Variants in ZBTB40 observed in about 807,000 individuals in gnomAD.
ZBTB40 encodes the protein zinc finger and BTB domain containing 40, also known as zinc finger and BTB domain-containing protein 40.
Under a neutral mutation model 117.5 loss-of-function variants are expected in ZBTB40, and 60 were observed. The ratio of observed to expected loss-of-function variants is 0.51; its 90% CI spans 0.41 to 0.63. The LOEUF (loss-of-function observed/expected upper bound fraction) is 0.63. ZBTB40 is among the 30% of genes least tolerant of loss of function. The pLI, the probability that ZBTB40 is intolerant of heterozygous loss-of-function variation, is 0.00. For missense variants in ZBTB40, 1,287 were observed against 1,498.5 expected, an observed-to-expected ratio of 0.86 and a Z score of 2.33; for synonymous variants, 525 against 577.1, an observed-to-expected ratio of 0.91 and a Z score of 1.29.
At chr1:22,521,872 G>C (rs1639537651) in intron 15 of ZBTB40, among the ~76,000 whole-genome samples, 2 of 152,196 alleles carry the variant, frequency 1.3e-5, no homozygotes, top group African/African-American at 2.4e-5. Flanking sequence ...CGCAGTGTAA[G>C]CTCCCACCAG....
At chr1:22,489,812 C>T (rs1160377484) in intron 1 of ZBTB40, 68 bp from the exon 2 acceptor site, 15 of 788,440 alleles carry the variant, frequency 1.9e-5, no homozygotes, top group Admixed American at 1.8e-4. Context: ...GTTCATTTAG[C>T]GTTTCATTCA....
chr1:22,445,165 C>T (rs903138160), intron 1 of ZBTB40, among the ~76,000 whole-genome samples: 4 of 152,198 alleles, frequency 2.6e-5, no homozygotes, highest in African/African-American at 9.6e-5. Context: ...TCATGTCTGA[C>T]AAACTACCTA....
chr1:22,466,531 A>G (rs943678983), intron 1 of ZBTB40, among the ~76,000 whole-genome samples: 1 of 152,100 alleles, frequency 6.6e-6, no homozygotes, highest in Non-Finnish European at 1.5e-5. Flanking sequence ...GTTTCTCCAT[A>G]TTCTCAGCAA....
At chr1:22,462,240 A>C (rs551038463) in intron 1 of ZBTB40, among the ~76,000 whole-genome samples, 1 of 152,218 alleles carries the variant, frequency 6.6e-6, no homozygotes, top group Non-Finnish European at 1.5e-5. Flanking sequence ...TCAGTGGTCA[A>C]AGTTTCGGCT....
intron 1 of ZBTB40, among the ~76,000 whole-genome samples, chr1:22,485,737 TTTC>T (rs763424906): frequency 2.0e-5 from 3 of 152,162 alleles, no homozygotes; most frequent in African/African-American, 7.2e-5. Flanking sequence ...TCTGTTCTGT[TTTC>T]TTCTTCTTTT....
chr1:22,434,592 T>C (rs1235253790), intron 1 of ZBTB40, among the ~76,000 whole-genome samples: 1 of 152,240 alleles, frequency 6.6e-6, no homozygotes, highest in Admixed American at 6.5e-5. Context: ...TTTTATGGTT[T>C]ATCCTAGCAT....
rs1385545437 is a variant in ZBTB40, at chr1:22,509,165, A to C, written c.1765A>C (p.Ile589Leu). 3.7e-6 allele frequency: 6 copies of C among 1,614,122 alleles called. No individual in the cohort carries two copies. Among genetic ancestry groups the C allele is most frequent in the Non-Finnish European group, 4.2e-6 (5 of 1,180,008 alleles). ...LRHNQLILEA[I>L]QQKIEYKLFT... ...GCATAACCAGTTGATCTTGGAGGCC[A>C]TCCAACAGAAGATTGAGTACAAGCT... The change falls in exon 9 of 18, where the codon ATC (isoleucine) becomes CTC (leucine). Residue 589 changes from isoleucine (I) to leucine (L), a missense_variant. Transcript: ENST00000375647.
Position 22,500,856 on chromosome 1 carries a change from G to T in ZBTB40, c.832-636G>T, listed in dbSNP as rs541349532. On this transcript the variant is annotated intron_variant, in intron 3 of 17. Transcript: ENST00000375647. ...ACTATATCTAAAATTAATAAGGCCC[G>T]TGTCTTTTTAAGTAGTCTGTCATTT... Among the ~76,000 whole-genome samples the T allele has an allele frequency of 1.6e-3, 239 of 152,266 alleles. 1 individual carries two copies. The highest frequency in any genetic ancestry group is 5.6e-3 in the African/African-American group (232 of 41,552).
rs150431065 is a variant in ZBTB40, at chr1:22,476,512, G to A, written c.-69-13368G>A. On this transcript the variant is annotated intron_variant, in intron 1 of 17. Transcript: ENST00000375647. ...TGGGATTACAGGCGTGAGCCACCAC[G>A]CCCAGCCCTCAAACTTTCAAATCCT... Among the ~76,000 whole-genome samples the A allele has an allele frequency of 5.1e-4, 77 of 152,268 alleles. 2 individuals carry two copies. In the East Asian group the frequency reaches 5.2e-3, roughly 10 times the overall value.
chr1:22,522,945 C>CTTTTTTTTTTTTTTTTTTTTTTTTTT (rs34232963), intron 16 of ZBTB40, among the ~76,000 whole-genome samples: 1 of 93,910 alleles, frequency 1.1e-5, no homozygotes, highest in African/African-American at 3.9e-5. Flanking sequence ...TAAGATGTAC[C>CTTTTTTTTTTTTTTTTTTTTTTTTTT]TTTTTTTTTT....
chr1:22,484,485 A>G (rs1354428359), intron 1 of ZBTB40, among the ~76,000 whole-genome samples: 1 of 152,214 alleles, frequency 6.6e-6, no homozygotes, highest in Non-Finnish European at 1.5e-5. Flanking sequence ...GCTTTTGTAT[A>G]TTAACCTTAT....
intron 17 of ZBTB40, 46 bp from the exon 18 acceptor site, chr1:22,526,156 A>C: frequency 6.2e-7 from 1 of 1,605,050 alleles, no homozygotes; most frequent in Non-Finnish European, 8.5e-7. Context: ...TCAGGGAGCC[A>C]ACTGTGAACA....
chr1:22,479,927 G>A (rs1557495463), intron 1 of ZBTB40, among the ~76,000 whole-genome samples: 1 of 151,770 alleles, frequency 6.6e-6, no homozygotes, highest in African/African-American at 2.4e-5. Context: ...TTTTGGGGGG[G>A]ACAGAGTCTC....
At chr1:22,507,885 A>AG (rs1464766192) in intron 6 of ZBTB40, 116 bp from the exon 7 acceptor site, 24 of 1,466,400 alleles carry the variant, frequency 1.6e-5, no homozygotes, top group African/African-American at 2.8e-5. Context: ...GGCTCTGCAG[A>AG]GGACACTGAG....
chr1:22,521,449 G>A (rs764335050), intron 14 of ZBTB40, 47 bp from the exon 15 acceptor site: 1 of 1,613,760 alleles, frequency 6.2e-7, no homozygotes, highest in African/African-American at 1.3e-5. Context: ...GAGCTCTCCA[G>A]CTTGCTGGAA....
rs904259502 is a variant in ZBTB40, at chr1:22,526,112, T to C, written c.3526-90T>C. The C allele has an allele frequency of 2.2e-5, 33 of 1,475,596 alleles. No homozygotes were observed. The Admixed American group carries it at 2.9e-4, about 13-fold the overall frequency. The allele number at this position is 1,475,596 out of a possible 1,614,324, so 91.4% of individuals were successfully genotyped here. A position where few individuals can be genotyped will look rare whatever the true frequency, so the allele number is the denominator to read the frequency against. ...CTCTCCTCAGGTGAAAACATAAATATCATCATTACAGCATGAGATGAAAAC... is the reference window on the plus strand; with the variant it reads ...CTCTCCTCAGGTGAAAACATAAATACCATCATTACAGCATGAGATGAAAAC... On this transcript the variant is annotated intron_variant, in intron 17 of 17. Coordinates refer to ENST00000375647, the MANE Select transcript of ZBTB40 (RefSeq NM_014870.4).
intron 1 of ZBTB40, among the ~76,000 whole-genome samples, chr1:22,459,647 T>C (rs138494236): frequency 0.04 from 6,062 of 152,332 alleles, 157 homozygotes; most frequent in Middle Eastern, 0.16. Context: ...TTTTAAAATA[T>C]TGCTCTTTTT....
chr1:22,444,309 A>C (rs1429310855), intron 1 of ZBTB40, among the ~76,000 whole-genome samples: 8 of 152,288 alleles, frequency 5.3e-5, no homozygotes, highest in East Asian at 1.9e-4. Context: ...AGTCCTAGCT[A>C]CTTGGGAGGC....
chr1:22,512,442 T>TA (rs1425328130), intron 11 of ZBTB40, among the ~76,000 whole-genome samples: 1 of 152,202 alleles, frequency 6.6e-6, no homozygotes, highest in Non-Finnish European at 1.5e-5. Context: ...CACAATAACT[T>TA]ACAGCTCTTA....
Sources: gnomAD v4.1 joint callset for allele counts (sites outside exome capture counted in the v4.1 genomes callset) on GRCh38, gnomAD v4.1.1 for gene constraint, MANE v1.5 for transcripts, NCBI Gene and HGNC (gene_info 2026-07-23, HGNC 2026-07-21) for gene names.